The following CSMD2 variants were observed in gnomAD, a reference collection of about 807,000 sequenced individuals.
CSMD2 encodes the protein CUB and sushi domain-containing protein 2.
In CSMD2, 130 loss-of-function variants were observed where a neutral mutation model predicts 398.5. The observed-to-expected ratio is 0.33, with a 90% CI of 0.28 to 0.38. CSMD2 has a LOEUF of 0.38. Ranked by LOEUF, CSMD2 falls within the 10% of genes least tolerant of loss-of-function variation. CSMD2 has a pLI of 1.00. For missense variants in CSMD2, 3,829 were observed against 4,764.9 expected (o/e 0.80, Z 5.78); for synonymous variants, 1,828 against 1,908.5 (o/e 0.96, Z 1.10).
At chr1:33,530,919 A>G (rs1392753373) in intron 64 of CSMD2, among the ~76,000 whole-genome samples, 1 of 152,178 alleles carries the variant, frequency 6.6e-6, no homozygotes, top group Non-Finnish European at 1.5e-5. Context: ...AGTAGAGAGT[A>G]GAATAGTGGA....
At chr1:33,859,469 G>T (rs567301834) in intron 5 of CSMD2, among the ~76,000 whole-genome samples, 8 of 152,248 alleles carry the variant, frequency 5.3e-5, no homozygotes, top group African/African-American at 1.9e-4. Context: ...ATTCTATCAG[G>T]CCCACCTGAT....
chr1:33,594,179 A>G (rs910704367), intron 44 of CSMD2, among the ~76,000 whole-genome samples: 14 of 152,076 alleles, frequency 9.2e-5, no homozygotes, highest in African/African-American at 2.4e-4. Context: ...TCTTTCATAC[A>G]TCTTCTCTAT....
At chr1:34,155,681 G>A (rs867243566) in intron 1 of CSMD2, among the ~76,000 whole-genome samples, 1 of 152,180 alleles carries the variant, frequency 6.6e-6, no homozygotes, top group Non-Finnish European at 1.5e-5. Context: ...AAATAGCCTG[G>A]CAAGCTGTCT....
At chr1:33,752,418 C>T (rs537503580) in intron 13 of CSMD2, among the ~76,000 whole-genome samples, 214 of 152,288 alleles carry the variant, frequency 1.4e-3, no homozygotes, top group Non-Finnish European at 2.7e-3. Flanking sequence ...ACGCTGGCTC[C>T]GTTTTGCCTT....
intron 3 of CSMD2, among the ~76,000 whole-genome samples, chr1:33,947,268 AG>A (rs1167597036): frequency 2.0e-5 from 3 of 152,172 alleles, no homozygotes; most frequent in Non-Finnish European, 2.9e-5. Flanking sequence ...AACCTCCCCC[AG>A]GGTGGGAGCC....
intron 5 of CSMD2, among the ~76,000 whole-genome samples, chr1:33,881,667 C>T (rs1340718313): frequency 6.6e-6 from 1 of 152,114 alleles, no homozygotes; most frequent in Non-Finnish European, 1.5e-5. Context: ...AAATTTGTTC[C>T]TAATCCTGTA....
intron 9 of CSMD2, chr1:33,814,149 A>C (rs1657187379): frequency 6.6e-6 from 1 of 152,192 alleles, no homozygotes; most frequent in Non-Finnish European, 1.5e-5. Flanking sequence ...AAATTTGATC[A>C]CATGGGCCAC....
intron 65 of CSMD2, among the ~76,000 whole-genome samples, chr1:33,525,662 T>C (rs1427762485): frequency 6.6e-6 from 1 of 152,194 alleles, no homozygotes. Context: ...TAAGAATGTA[T>C]TGTACATTTC....
intron 56 of CSMD2, among the ~76,000 whole-genome samples, chr1:33,549,109 T>C (rs1386842058): frequency 2.0e-5 from 3 of 152,126 alleles, no homozygotes; most frequent in African/African-American, 7.2e-5. Context: ...CTAATGAATA[T>C]CTCATTAAAT....
At chr1:33,995,967 T>C (rs1189960902) in intron 3 of CSMD2, among the ~76,000 whole-genome samples, 1 of 152,062 alleles carries the variant, frequency 6.6e-6, no homozygotes, top group Non-Finnish European at 1.5e-5. Context: ...GGAAATACAA[T>C]TGACAAGGTA....
At chr1:34,083,763 G>A (rs928481260) in intron 2 of CSMD2, among the ~76,000 whole-genome samples, 1 of 152,062 alleles carries the variant, frequency 6.6e-6, no homozygotes, top group African/African-American at 2.4e-5. Flanking sequence ...CAGAAAGAGT[G>A]CAAAAATTAG....
chr1:34,161,638 T>C (rs1027498057), intron 1 of CSMD2, among the ~76,000 whole-genome samples: 8 of 152,076 alleles, frequency 5.3e-5, no homozygotes, highest in African/African-American at 1.7e-4. Flanking sequence ...TATTTGGCAA[T>C]TGAGGTGGTC....
chr1:34,055,203 AG>A (rs1227773564), intron 2 of CSMD2, among the ~76,000 whole-genome samples: 1 of 152,214 alleles, frequency 6.6e-6, no homozygotes, highest in African/African-American at 2.4e-5. Flanking sequence ...TTTCAGCTGT[AG>A]AAAAACAAAC....
Position 34,150,086 on chromosome 1 carries a change from TTTTG to T in CSMD2, c.187+14821_187+14824del, listed in dbSNP as rs1557432970. On this transcript the variant is annotated intron_variant, in intron 1 of 70. Transcript: ENST00000373381. ...TCTACATTTTTCTTCTTTCTTTTTT[TTTTG>T]TTTTTTTTTGAGACAGGGTCTTGCT... is the stretch of plus-strand genomic sequence containing the variant. Among the ~76,000 whole-genome samples, 5 of 139,948 alleles carry T rather than the reference TTTTG, an allele frequency of 3.6e-5. 1 individual carries two copies. The highest frequency in any genetic ancestry group is 8.0e-5 in the African/African-American group (3 of 37,626). 91.8% of individuals were successfully genotyped at this position (139,948 alleles called of 152,430 possible).
chr1:33,550,283 T>TCCCACAGTA lies in CSMD2; in HGVS notation c.8802_8810dup (p.Thr2935_Gly2937dup). 1 of 1,614,164 alleles carries TCCCACAGTA rather than the reference T, an allele frequency of 6.2e-7. No individual in the cohort carries two copies. Among genetic ancestry groups the TCCCACAGTA allele is most frequent in the Non-Finnish European group, 8.5e-7 (1 of 1,180,038 alleles). Reference sequence around the variant, plus strand: ...CGATGCAGCTGTACCGCACCACTGCTCCCACAGTATAACTGTCTCCAGACA... The same window carrying TCCCACAGTA: ...CGATGCAGCTGTACCGCACCACTGCTCCCACAGTACCCACAGTATAACTGTCTCCAGACA... On this transcript the variant is annotated inframe_insertion, in exon 56 of 71. Transcript: ENST00000373381.
intron 3 of CSMD2, among the ~76,000 whole-genome samples, chr1:33,949,397 G>C (rs1451237350): frequency 6.7e-6 from 1 of 149,942 alleles, no homozygotes; most frequent in African/African-American, 2.5e-5. Context: ...GGCTCTGCCA[G>C]GCAGGCGGCA....
chr1:33,835,696 A>C (rs1245840838), intron 6 of CSMD2, among the ~76,000 whole-genome samples: 33 of 108,334 alleles, frequency 3.0e-4, no homozygotes, highest in African/African-American at 1.3e-3. Context: ...AACAAAAAAA[A>C]CAAACAAAAA....
At position 33,633,679 on chromosome 1, in the gene CSMD2, TGCAGTGGCACAGTCTG is replaced by T. The variant is rs1259187024; in HGVS notation, c.5087-160_5087-145del. ...GGCTGTGGCTTGCTGCACTGGTTAG[TGCAGTGGCACAGTCTG>T]GCAGTGGCCAGACACCCGGCACAGG... On this transcript the variant is annotated intron_variant, in intron 31 of 70. Transcript: ENST00000373381. The surrounding 1 kb of genome is among the most constrained non-coding windows in gnomAD (Gnocchi z 5.0). 2.2e-5 allele frequency: 14 copies of T among 639,802 alleles called. No homozygotes were observed. The highest frequency in any genetic ancestry group is 2.8e-5 in the East Asian group (1 of 36,348). 39.6% of individuals were successfully genotyped at this position (639,802 alleles called of 1,614,324 possible). A position where few individuals can be genotyped will look rare whatever the true frequency, so the allele number is the denominator to read the frequency against.
intron 3 of CSMD2, among the ~76,000 whole-genome samples, chr1:33,985,750 C>G (rs1206759550): frequency 6.6e-6 from 1 of 152,138 alleles, no homozygotes; most frequent in Admixed American, 6.5e-5. Flanking sequence ...GGTCAAGGTC[C>G]TTGGTGCACT....
Sources: gnomAD v4.1 joint callset for allele counts (sites outside exome capture counted in the v4.1 genomes callset) on GRCh38, gnomAD v4.1.1 for gene constraint, Gnocchi (gnomAD v3.1) non-coding constraint, MANE v1.5 for transcripts, NCBI Gene and HGNC (gene_info 2026-07-23, HGNC 2026-07-21) for gene names.